Variants in DCLK2 observed in about 807,000 individuals in gnomAD.
DCLK2 encodes the protein doublecortin like kinase 2.
A neutral mutation model predicts 78.4 loss-of-function variants in DCLK2; 31 were observed. That is an observed-to-expected ratio of 0.40 (90% CI 0.30 to 0.53). DCLK2 has a LOEUF of 0.53. Among genes scored for constraint, DCLK2 ranks in the 20% least tolerant of loss-of-function variants. The pLI is 0.61. For missense variants in DCLK2, 872 were observed against 973.7 expected (o/e 0.90, Z 1.39); for synonymous variants, 407 against 374.9 (o/e 1.09, Z -0.99).
intron 5 of DCLK2, among the ~76,000 whole-genome samples, chr4:150,217,809 C>T (rs9997299): frequency 0.88 from 133,560 of 152,262 alleles, 58,975 homozygotes; most frequent in Middle Eastern, 0.96. Flanking sequence ...TTCAAATAAA[C>T]AAACATATTT....
At chr4:150,172,394 G>A (rs1049798955) in intron 2 of DCLK2, among the ~76,000 whole-genome samples, 1 of 151,872 alleles carries the variant, frequency 6.6e-6, no homozygotes, top group Non-Finnish European at 1.5e-5. Context: ...ACGAGGTCAG[G>A]AGATTGAGAC....
chr4:150,243,859 G>A (rs1743099570), intron 12 of DCLK2, among the ~76,000 whole-genome samples: 1 of 105,952 alleles, frequency 9.4e-6, no homozygotes, highest in African/African-American at 3.5e-5. Flanking sequence ...ACACCACCAT[G>A]CCCAGCTTTT....
At chr4:150,185,726 A>T (rs1424492216) in intron 2 of DCLK2, among the ~76,000 whole-genome samples, 3 of 152,078 alleles carry the variant, frequency 2.0e-5, no homozygotes, top group South Asian at 2.1e-4. Flanking sequence ...AAAAAAAAAA[A>T]AATTAATTAA....
chr4:150,208,538 C>T (rs1172163966), intron 5 of DCLK2, among the ~76,000 whole-genome samples: 1 of 151,988 alleles, frequency 6.6e-6, no homozygotes, highest in Non-Finnish European at 1.5e-5. Context: ...TCTCTTGTCT[C>T]AGCCTTCTGA....
chr4:150,145,960 G>T (rs756776983), intron 2 of DCLK2, among the ~76,000 whole-genome samples: 1 of 152,172 alleles, frequency 6.6e-6, no homozygotes, highest in Non-Finnish European at 1.5e-5. Context: ...ATTCTGAAGA[G>T]CTTATGCAGC....
At chr4:150,178,615 A>G (rs1737261274) in intron 2 of DCLK2, among the ~76,000 whole-genome samples, 1 of 152,236 alleles carries the variant, frequency 6.6e-6, no homozygotes, top group African/African-American at 2.4e-5. Context: ...ATGTGAAAAC[A>G]GATGCAGCTA....
chr4:150,157,257 T>A (rs552739147), intron 2 of DCLK2, among the ~76,000 whole-genome samples: 6 of 152,028 alleles, frequency 3.9e-5, no homozygotes, highest in African/African-American at 1.4e-4. Flanking sequence ...TAAAATTTTT[T>A]AAAATTTTAC....
intron 2 of DCLK2, among the ~76,000 whole-genome samples, chr4:150,148,217 A>C (rs981234757): frequency 1.3e-5 from 2 of 152,224 alleles, no homozygotes. Flanking sequence ...TACAAAAATT[A>C]GCTGGACGTT....
At position 150,232,448 on chromosome 4, in the gene DCLK2, T is replaced by C. The variant is rs763281652; in HGVS notation, c.1411T>C (p.Leu471=). The change falls in exon 9 of 16, where the codon TTG becomes CTG. Residue 471 remains leucine, a synonymous_variant. Coordinates refer to ENST00000296550, the MANE Select transcript of DCLK2 (RefSeq NM_001040260.4). ...TATELFLVME[L]VKGGDLFDAI... ...AACTGAGCTCTTTCTGGTGATGGAA[T>C]TGGTCAAAGTAAGAGGATAGAGAGA... The C allele has an allele frequency of 1.9e-6, 3 of 1,613,894 alleles. No individual in the cohort carries two copies. Among genetic ancestry groups the C allele is most frequent in the South Asian group, 2.2e-5 (2 of 91,030 alleles).
intron 2 of DCLK2, among the ~76,000 whole-genome samples, chr4:150,151,723 G>T (rs942622885): frequency 6.6e-6 from 1 of 152,058 alleles, no homozygotes. Context: ...TCAGGAGTTC[G>T]AGGCCAGCCT....
In DCLK2 at chr4:150,140,293, T is replaced by C. The variant is rs373384490; in HGVS notation, c.756+37481T>C. ...ATTTGAGCTTCTACTGAAGAAATTA[T>C]CTACCTTTTGACCTTGTTTTCTCTA... is the stretch of plus-strand genomic sequence containing the variant. On this transcript the variant is annotated intron_variant, in intron 2 of 15. Transcript: ENST00000296550. Among the ~76,000 whole-genome samples the C allele has an allele frequency of 5.9e-5, 9 of 152,326 alleles. No individual in the cohort carries two copies. In the East Asian group the frequency reaches 1.3e-3, roughly 23 times the overall value.
intron 2 of DCLK2, among the ~76,000 whole-genome samples, chr4:150,114,651 GT>G (rs1159298252): frequency 2.6e-5 from 4 of 152,184 alleles, no homozygotes; most frequent in Non-Finnish European, 5.9e-5. Flanking sequence ...GTTTATGACA[GT>G]TTTGCTGGAT....
chr4:150,210,778 T>C (rs887425196), intron 5 of DCLK2, among the ~76,000 whole-genome samples: 2 of 151,852 alleles, frequency 1.3e-5, no homozygotes, highest in African/African-American at 4.8e-5. Context: ...TGAAACCCTA[T>C]CTCTACTAAA....
chr4:150,243,863 A>C (rs1287121959), intron 12 of DCLK2, among the ~76,000 whole-genome samples: 1 of 78,680 alleles, frequency 1.3e-5, no homozygotes, highest in African/African-American at 4.4e-5. Flanking sequence ...CACCATGCCC[A>C]GCTTTTTTTT....
intron 4 of DCLK2, chr4:150,198,982 C>T: frequency 1.4e-6 from 2 of 1,464,294 alleles, no homozygotes; most frequent in Non-Finnish European, 1.8e-6. Context: ...GCTGAATAAC[C>T]ACTCTCCTTA....
At chr4:150,079,486 G>A (rs1560751955) in intron 1 of DCLK2, 38 bp downstream of exon 1, 2 of 1,442,424 alleles carry the variant, frequency 1.4e-6, no homozygotes, top group Middle Eastern at 2.1e-4. Flanking sequence ...GTGCGGCGGA[G>A]CGCCGGCAGG....
At chr4:150,204,918 G>T (rs1465052672) in intron 5 of DCLK2, among the ~76,000 whole-genome samples, 36 of 151,664 alleles carry the variant, frequency 2.4e-4, no homozygotes, top group African/African-American at 8.7e-4. Flanking sequence ...AATTTCCTTT[G>T]TAGAAACAAA....
intron 1 of DCLK2, among the ~76,000 whole-genome samples, chr4:150,084,290 A>C (rs1001817611): frequency 2.6e-5 from 4 of 152,236 alleles, no homozygotes; most frequent in Non-Finnish European, 5.9e-5. Context: ...TAAGTCCCTT[A>C]GTTGTCTAGG....
At chr4:150,239,355 T>C (rs1742733005) in intron 10 of DCLK2, among the ~76,000 whole-genome samples, 1 of 152,140 alleles carries the variant, frequency 6.6e-6, no homozygotes, top group Non-Finnish European at 1.5e-5. Flanking sequence ...CCCAGCACTT[T>C]GGGAGGCTGA....
Sources: allele counts gnomAD v4.1 joint callset (sites outside exome capture counted in the v4.1 genomes callset), GRCh38; gene constraint gnomAD v4.1.1; transcripts MANE v1.5; gene names NCBI Gene and HGNC (gene_info 2026-07-23, HGNC 2026-07-21).